Variants in CRACDL observed in about 807,000 individuals in gnomAD.
CRACDL encodes the protein CRACD like, also known as CRACD-like protein.
CRACDL carries 26 observed loss-of-function variants against 70.6 expected under a neutral mutation model. The observed-to-expected ratio is 0.37, with a 90% CI of 0.27 to 0.51. The LOEUF is 0.51. CRACDL is among the 20% of genes least tolerant of loss of function. CRACDL has a pLI of 0.94. For synonymous variants in CRACDL, 618 were observed against 615.2 expected, an observed-to-expected ratio of 1.00 and a Z score of -0.07; for missense variants, 1,283 against 1,376.9, an observed-to-expected ratio of 0.93 and a Z score of 1.08.
At chr2:98,935,819 G>C (rs1709192272) in intron 1 of CRACDL, 119 bp downstream of exon 1, 1 of 152,182 alleles carries the variant, frequency 6.6e-6, no homozygotes, top group Non-Finnish European at 1.5e-5. Flanking sequence ...TGGCTTCACG[G>C]CCTCTGCCCT....
At chr2:98,906,786 T>C (rs946206126) in intron 1 of CRACDL, among the ~76,000 whole-genome samples, 18 of 152,214 alleles carry the variant, frequency 1.2e-4, no homozygotes, top group African/African-American at 4.3e-4. Context: ...GATAATAATT[T>C]GTTTGAAGAG....
intron 1 of CRACDL, among the ~76,000 whole-genome samples, chr2:98,865,978 T>C (rs996605074): frequency 6.6e-6 from 1 of 151,760 alleles, no homozygotes; most frequent in Non-Finnish European, 1.5e-5. Context: ...TCCACTCACC[T>C]CTGCCTCCCA....
At chr2:98,910,550 A>AAAT (rs1708522896) in intron 1 of CRACDL, among the ~76,000 whole-genome samples, 1 of 151,612 alleles carries the variant, frequency 6.6e-6, no homozygotes, top group Non-Finnish European at 1.5e-5. Context: ...ATAAATAAAT[A>AAAT]AATAAATAAA....
intron 7 of CRACDL, among the ~76,000 whole-genome samples, chr2:98,808,432 C>A (rs1704412616): frequency 6.6e-6 from 1 of 152,186 alleles, no homozygotes. Context: ...TGATGCTGCT[C>A]TGAGCTTCTG....
At chr2:98,935,269 T>A (rs901122895) in intron 1 of CRACDL, among the ~76,000 whole-genome samples, 1 of 152,102 alleles carries the variant, frequency 6.6e-6, no homozygotes, top group Admixed American at 6.5e-5. Flanking sequence ...TGCAGGCGGT[T>A]TGCACCTACA....
chr2:98,906,979 C>T (rs1708431987), intron 1 of CRACDL, among the ~76,000 whole-genome samples: 2 of 152,268 alleles, frequency 1.3e-5, no homozygotes, highest in South Asian at 4.1e-4. Flanking sequence ...GTAAGGTCTC[C>T]TCACTCTAGC....
intron 1 of CRACDL, among the ~76,000 whole-genome samples, chr2:98,878,070 C>T (rs992843650): frequency 7.9e-5 from 12 of 152,052 alleles, no homozygotes; most frequent in African/African-American, 7.2e-5. Flanking sequence ...CCTCAGCCTC[C>T]GAAGTAGCTG....
intron 1 of CRACDL, among the ~76,000 whole-genome samples, chr2:98,899,574 G>A (rs968732583): frequency 2.0e-5 from 3 of 152,234 alleles, no homozygotes; most frequent in African/African-American, 7.2e-5. Flanking sequence ...GCCCTAGCAG[G>A]GGGCACTGGT....
At chr2:98,809,022 CT>C (rs748353561) in intron 7 of CRACDL, among the ~76,000 whole-genome samples, 19 of 152,234 alleles carry the variant, frequency 1.2e-4, no homozygotes, top group Non-Finnish European at 2.5e-4. Flanking sequence ...CAGGTAGAAA[CT>C]GTAAGACTTC....
chr2:98,842,028 T>C (rs1706051853), intron 2 of CRACDL, among the ~76,000 whole-genome samples: 1 of 152,142 alleles, frequency 6.6e-6, no homozygotes, highest in African/African-American at 2.4e-5. Context: ...TCATATGGAT[T>C]TTCTTTGATT....
At chr2:98,912,802 T>C (rs1708577433) in intron 1 of CRACDL, 1 of 152,384 alleles carries the variant, frequency 6.6e-6, no homozygotes, top group Non-Finnish European at 1.5e-5. Context: ...AGGCACCCAC[T>C]TGGCATCAGT....
At chr2:98,929,123 C>A (rs1709005018) in intron 1 of CRACDL, among the ~76,000 whole-genome samples, 1 of 152,164 alleles carries the variant, frequency 6.6e-6, no homozygotes, top group South Asian at 2.1e-4. Context: ...TTCTTAATAC[C>A]CCTCCTTAGG....
chr2:98,929,497 T>C (rs1449487093), intron 1 of CRACDL, among the ~76,000 whole-genome samples: 1 of 152,158 alleles, frequency 6.6e-6, no homozygotes, highest in Non-Finnish European at 1.5e-5. Context: ...TGGTCATGTC[T>C]CTGTCCTGAG....
At chr2:98,923,859 T>G (rs1368141034) in intron 1 of CRACDL, among the ~76,000 whole-genome samples, 3 of 152,242 alleles carry the variant, frequency 2.0e-5, no homozygotes, top group Non-Finnish European at 2.9e-5. Context: ...GAACTCTGGC[T>G]TTAGGGCAGA....
chr2:98,871,658 G>A, intron 1 of CRACDL, among the ~76,000 whole-genome samples: 1 of 152,198 alleles, frequency 6.6e-6, no homozygotes, highest in Non-Finnish European at 1.5e-5. Flanking sequence ...CACTTCTGGG[G>A]AATTTGTCCT....
intron 1 of CRACDL, among the ~76,000 whole-genome samples, chr2:98,889,285 GAGAA>G (rs55635946): frequency 0.07 from 9,927 of 140,822 alleles, 397 homozygotes; most frequent in Non-Finnish European, 0.094. Flanking sequence ...GAAAAAGAGA[GAGAA>G]AGAAAGAAAG....
intron 1 of CRACDL, among the ~76,000 whole-genome samples, chr2:98,882,092 A>G (rs758104501): frequency 9.9e-5 from 15 of 152,230 alleles, no homozygotes; most frequent in Non-Finnish European, 1.8e-4. Context: ...TTTTCCTTTG[A>G]GTCACTGAAG....
chr2:98,875,320 C>T (rs527433761), intron 1 of CRACDL, among the ~76,000 whole-genome samples: 53 of 152,366 alleles, frequency 3.5e-4, no homozygotes, highest in South Asian at 2.5e-3. Flanking sequence ...AAAGGCACAA[C>T]CAGATGCCTG....
chr2:98,923,219 C>T (rs886666079), intron 1 of CRACDL, among the ~76,000 whole-genome samples: 3 of 148,242 alleles, frequency 2.0e-5, no homozygotes, highest in Non-Finnish European at 3.0e-5. Context: ...TGCAGTGAGC[C>T]GAGATCATGA....
Sources: gnomAD v4.1 joint callset for allele counts (sites outside exome capture counted in the v4.1 genomes callset) on GRCh38, gnomAD v4.1.1 for gene constraint, MANE v1.5 for transcripts, NCBI Gene and HGNC (gene_info 2026-07-23, HGNC 2026-07-21) for gene names.